WDTC1: variants seen among roughly 807,000 people sequenced by gnomAD.
The protein encoded by WDTC1 is WD and tetratricopeptide repeats protein 1.
In WDTC1, 12 loss-of-function variants were observed where a neutral mutation model predicts 76.0. That is an observed-to-expected ratio of 0.16 (90% CI 0.10 to 0.26). The LOEUF (loss-of-function observed/expected upper bound fraction) is 0.26. Ranked by LOEUF, WDTC1 falls within the 10% of genes least tolerant of loss-of-function variation. The pLI is 1.00. For synonymous variants in WDTC1, 326 were observed against 350.8 expected (o/e 0.93, Z 0.79); for missense variants, 511 against 908.8 (o/e 0.56, Z 5.63).
chr1:27,297,791 A>C lies in WDTC1; in HGVS notation c.1059-147A>C, dbSNP rs539844945. The C allele has an allele frequency of 4.2e-4, 304 of 731,030 alleles. 2 individuals carry two copies. The Middle Eastern group carries it at 5.4e-3, about 13-fold the overall frequency. 45.3% of individuals were successfully genotyped at this position (731,030 alleles called of 1,614,324 possible). A position where few individuals can be genotyped will look rare whatever the true frequency, so the allele number is the denominator to read the frequency against. On this transcript the variant is annotated intron_variant, in intron 11 of 15. Coordinates refer to ENST00000319394, the MANE Select transcript of WDTC1 (RefSeq NM_001276252.2). ...ATCACAGTAATAGGTAATATCCCAG[A>C]CCAGGGTAGTGGTCCCCTCTTCCAG...
Position 27,287,803 on chromosome 1 carries a change from G to A in WDTC1, c.421G>A (p.Ala141Thr). Residue 141 changes from alanine to threonine, a missense_variant, in exon 6 of 16, where the codon GCC becomes ACC. Ala to Thr is a moderately conservative substitution (Grantham distance 58, BLOSUM62 0). Coordinates refer to ENST00000319394, the MANE Select transcript of WDTC1 (RefSeq NM_001276252.2). ...CCACACAAACCGGGTGAAGCGCATCGCCACAGCGCCCATGTGGCCCAACAC... is the reference window on the plus strand; with the variant it reads ...CCACACAAACCGGGTGAAGCGCATCACCACAGCGCCCATGTGGCCCAACAC... ...GDHTNRVKRI[A>T]TAPMWPNTFW... The A allele has an allele frequency of 8.7e-6, 14 of 1,613,998 alleles. No homozygotes were observed. Among genetic ancestry groups the A allele is most frequent in the East Asian group, 2.2e-5 (1 of 44,880 alleles).
At chr1:27,237,000 G>A (rs1048953080) in intron 1 of WDTC1, among the ~76,000 whole-genome samples, 2 of 152,132 alleles carry the variant, frequency 1.3e-5, no homozygotes, top group African/African-American at 4.8e-5. Flanking sequence ...ACCATGCCCA[G>A]CTAATTTTTG....
At chr1:27,281,587 GT>G (rs1467924990) in intron 3 of WDTC1, among the ~76,000 whole-genome samples, 1 of 151,716 alleles carries the variant, frequency 6.6e-6, no homozygotes, top group Non-Finnish European at 1.5e-5. Context: ...CTCTTTTTCT[GT>G]TTTTGTTTTG....
In WDTC1 at chr1:27,306,528, G is replaced by A. The variant is rs1200457619; in HGVS notation, c.*145G>A. Reference sequence around the variant, plus strand: ...TTTGTTTGTTAGTTTGGCGTTAGGGGTGGAGGTTGCTACAACTTGCTGGCT... The same window carrying A: ...TTTGTTTGTTAGTTTGGCGTTAGGGATGGAGGTTGCTACAACTTGCTGGCT... On this transcript the variant is annotated 3_prime_UTR_variant, in exon 16 of 16. Coordinates refer to ENST00000319394, the MANE Select transcript of WDTC1 (RefSeq NM_001276252.2). The surrounding 1 kb of genome is among the most constrained non-coding windows in gnomAD (Gnocchi z 5.0). 2 of 1,059,722 alleles carry A rather than the reference G, an allele frequency of 1.9e-6. No homozygotes were observed. The highest frequency in any genetic ancestry group is 2.6e-6 in the Non-Finnish European group (2 of 755,634). The allele number at this position is 1,059,722 out of a possible 1,614,324, so 65.6% of individuals were successfully genotyped here.
chr1:27,237,861 C>CAAAAAAA (rs11427877), intron 1 of WDTC1, among the ~76,000 whole-genome samples: 1 of 126,288 alleles, frequency 7.9e-6, no homozygotes, highest in Admixed American at 8.3e-5. Flanking sequence ...AACTCCATCT[C>CAAAAAAA]AAAAAAAAAA....
At chr1:27,242,961 G>GT (rs1397002874) in intron 1 of WDTC1, among the ~76,000 whole-genome samples, 1 of 152,162 alleles carries the variant, frequency 6.6e-6, no homozygotes, top group Non-Finnish European at 1.5e-5. Flanking sequence ...TGGCTAAGAA[G>GT]TTTCCTGAAG....
chr1:27,302,656 A>C (rs945709521), intron 13 of WDTC1, among the ~76,000 whole-genome samples: 1 of 152,002 alleles, frequency 6.6e-6, no homozygotes, highest in Admixed American at 6.5e-5. Flanking sequence ...CAGGAGGATC[A>C]CTTGAGCCCA....
chr1:27,303,988 T>C lies in WDTC1; in HGVS notation c.1643+193T>C. ...AAATGACCAACCTGCCATGCCCATT[T>C]ATGAGGCCATAACAAGGACTAATAA... On this transcript the variant is annotated intron_variant, in intron 14 of 15. Transcript: ENST00000319394. This position sits in a 1 kb window ranked among gnomAD's most constrained non-coding sequence, Gnocchi z 4.8. The C allele has an allele frequency of 1.5e-6, 1 of 661,678 alleles. No homozygotes were observed. Among genetic ancestry groups the C allele is most frequent in the Non-Finnish European group, 2.5e-6 (1 of 401,500 alleles). 41.0% of individuals were successfully genotyped at this position (661,678 alleles called of 1,614,324 possible).
At chr1:27,295,458 G>GT (rs1052019497) in intron 9 of WDTC1, among the ~76,000 whole-genome samples, 242 of 142,582 alleles carry the variant, frequency 1.7e-3, no homozygotes, top group South Asian at 2.5e-3. Context: ...CGTGTTTTTT[G>GT]TTTTTTTTTT....
intron 3 of WDTC1, among the ~76,000 whole-genome samples, chr1:27,275,313 A>C (rs1330415502): frequency 6.6e-6 from 1 of 152,208 alleles, no homozygotes; most frequent in African/African-American, 2.4e-5. Context: ...GGCATAGTGT[A>C]ACCTTATTCT....
chr1:27,272,258 A>AT (rs1034340595), intron 3 of WDTC1, among the ~76,000 whole-genome samples: 11 of 149,288 alleles, frequency 7.4e-5, no homozygotes, highest in South Asian at 4.3e-4. Flanking sequence ...AAAAAAAAAA[A>AT]TTTTTTTTTT....
chr1:27,283,939 T>G (rs1381985494), intron 5 of WDTC1, among the ~76,000 whole-genome samples: 1 of 152,164 alleles, frequency 6.6e-6, no homozygotes, highest in Non-Finnish European at 1.5e-5. Context: ...AAAAATAAAG[T>G]CTGTGCCCAG....
intron 14 of WDTC1, chr1:27,304,067 A>C (rs1032924288): frequency 1.8e-5 from 7 of 379,426 alleles, no homozygotes; most frequent in African/African-American, 1.5e-4. Flanking sequence ...TTCATCCCCC[A>C]CCTCCTTCTC....
At position 27,289,288 on chromosome 1, in the gene WDTC1, G is replaced by C. The variant is rs886777953; in HGVS notation, c.479+1427G>C. On this transcript the variant is annotated intron_variant, in intron 6 of 15. Coordinates refer to ENST00000319394, the MANE Select transcript of WDTC1 (RefSeq NM_001276252.2). ...GACGGGGCGGCTGCCGGGCAGAGGGGCTCCTCAGTTCTCAGACGGGGTGGT... is the reference window on the plus strand; with the variant it reads ...GACGGGGCGGCTGCCGGGCAGAGGGCCTCCTCAGTTCTCAGACGGGGTGGT... Among the ~76,000 whole-genome samples, 6 of 149,894 alleles carry C rather than the reference G, an allele frequency of 4.0e-5. No individual in the cohort carries two copies. The East Asian group carries it at 1.2e-3, about 30-fold the overall frequency.
chr1:27,291,574 C>T (rs899008517), intron 6 of WDTC1, among the ~76,000 whole-genome samples: 6 of 152,130 alleles, frequency 3.9e-5, no homozygotes, highest in African/African-American at 9.7e-5. Flanking sequence ...CCGTCTGGAG[C>T]GGTGGGAGTT....
At chr1:27,294,147 T>G (rs2013619204) in intron 8 of WDTC1, 31 bp downstream of exon 8, 3 of 1,604,394 alleles carry the variant, frequency 1.9e-6, no homozygotes, top group Non-Finnish European at 2.6e-6. Context: ...GGCCCCAAAC[T>G]CTCGGCTAGA....
chr1:27,241,275 C>T (rs1423110912), intron 1 of WDTC1, among the ~76,000 whole-genome samples: 2 of 152,144 alleles, frequency 1.3e-5, no homozygotes, highest in Non-Finnish European at 2.9e-5. Flanking sequence ...AGAACAGGAT[C>T]AGACCTTGCC....
At chr1:27,289,020 C>T (rs2013435759) in intron 6 of WDTC1, among the ~76,000 whole-genome samples, 1 of 141,062 alleles carries the variant, frequency 7.1e-6, no homozygotes, top group African/African-American at 2.7e-5. Flanking sequence ...GGGCGGCTGG[C>T]TGGGCGGGGG....
chr1:27,257,711 A>G (rs573982395), intron 1 of WDTC1, among the ~76,000 whole-genome samples: 32 of 152,250 alleles, frequency 2.1e-4, no homozygotes, highest in African/African-American at 7.2e-4. Flanking sequence ...CGACTGCCAT[A>G]TCTCCCTGGT....
Sources: gnomAD v4.1 joint callset for allele counts (sites outside exome capture counted in the v4.1 genomes callset) on GRCh38, gnomAD v4.1.1 for gene constraint, Gnocchi (gnomAD v3.1) non-coding constraint, MANE v1.5 for transcripts, NCBI Gene and HGNC (gene_info 2026-07-23, HGNC 2026-07-21) for gene names.